SPIN1: variants seen among roughly 807,000 people sequenced by gnomAD.
SPIN1 encodes spindlin 1.
A neutral mutation model predicts 26.0 loss-of-function variants in SPIN1; 3 were observed. That is an observed-to-expected ratio of 0.12 (90% CI 0.05 to 0.30). The LOEUF (loss-of-function observed/expected upper bound fraction) is 0.30, where lower values mean the gene tolerates loss of function less well. Ranked by LOEUF, SPIN1 falls within the 10% of genes least tolerant of loss-of-function variation. The pLI is 1.00. For missense variants in SPIN1, 126 were observed against 333.4 expected, an observed-to-expected ratio of 0.38 and a Z score of 4.84; for synonymous variants, 101 against 116.5, an observed-to-expected ratio of 0.87 and a Z score of 0.86.
At chr9:88,457,430 T>C (rs1828492946) in intron 3 of SPIN1, among the ~76,000 whole-genome samples, 1 of 152,024 alleles carries the variant, frequency 6.6e-6, no homozygotes, top group African/African-American at 2.4e-5. Flanking sequence ...TTAGGGAGGC[T>C]GAGGCACGAG....
At chr9:88,403,357 G>A (rs189732176) in intron 1 of SPIN1, among the ~76,000 whole-genome samples, 25 of 152,180 alleles carry the variant, frequency 1.6e-4, no homozygotes, top group Non-Finnish European at 1.3e-4. Flanking sequence ...CCTTAGTTCC[G>A]ATACCTTTTG....
At position 88,426,466 on chromosome 9, in the gene SPIN1, AAAAGTTTC is replaced by A; in HGVS notation, c.-70_-63del. The A allele has an allele frequency of 7.9e-7, 1 of 1,269,920 alleles. No homozygotes were observed. The highest frequency in any genetic ancestry group is 1.1e-6 in the Non-Finnish European group (1 of 882,014). 78.7% of individuals were successfully genotyped at this position (1,269,920 alleles called of 1,614,324 possible). The stretch of plus-strand genomic sequence containing the variant: ...TTAACCAGAACACTAACATTCTGTG[AAAAGTTTC>A]AAATTGGAGAATATTGAATTTTCAC... On this transcript the variant is annotated 5_prime_UTR_variant, in exon 2 of 6. Coordinates refer to ENST00000375859, the MANE Select transcript of SPIN1 (RefSeq NM_006717.3).
intron 4 of SPIN1, among the ~76,000 whole-genome samples, chr9:88,464,812 G>A (rs1042828585): frequency 4.6e-5 from 7 of 152,106 alleles, no homozygotes; most frequent in African/African-American, 9.7e-5. Context: ...GTACAGTTCA[G>A]TAGTGTGTTA....
chr9:88,460,875 AAATT>A (rs996426433), intron 3 of SPIN1, among the ~76,000 whole-genome samples: 3 of 152,192 alleles, frequency 2.0e-5, no homozygotes, highest in African/African-American at 7.2e-5. Flanking sequence ...TTGACACACA[AAATT>A]AATCATCACA....
At chr9:88,415,160 TC>T (rs769916633) in intron 1 of SPIN1, among the ~76,000 whole-genome samples, 5 of 152,126 alleles carry the variant, frequency 3.3e-5, no homozygotes, top group Non-Finnish European at 5.9e-5. Context: ...CGCCTCAGCC[TC>T]CCAAAGTGCT....
chr9:88,449,015 G>A, intron 3 of SPIN1, 26 bp downstream of exon 3: 1 of 1,611,278 alleles, frequency 6.2e-7, no homozygotes. Context: ...ACTGGTTCTA[G>A]ATAGTGTTTT....
chr9:88,409,505 C>T (rs1276116996), intron 1 of SPIN1, among the ~76,000 whole-genome samples: 3 of 151,814 alleles, frequency 2.0e-5, no homozygotes, highest in South Asian at 2.1e-4. Flanking sequence ...CTGGGAACAC[C>T]GTGGTTCAGT....
intron 2 of SPIN1, among the ~76,000 whole-genome samples, chr9:88,441,146 A>AT (rs1244965615): frequency 3.3e-5 from 5 of 151,804 alleles, no homozygotes; most frequent in African/African-American, 9.7e-5. Context: ...TTTTTTCTAA[A>AT]TGATGCATTA....
rs1281610072 is a variant in SPIN1 at position 88,471,387 on chromosome 9, T to G, written c.589+2782T>G. On this transcript the variant is annotated intron_variant, in intron 5 of 5. Transcript: ENST00000375859. Reference sequence around the variant, plus strand: ...CCATTGAATGGTTTTGGCATCCTTGTTGCGCGGTGGCTCACACCTGTAATC... The same window carrying G: ...CCATTGAATGGTTTTGGCATCCTTGGTGCGCGGTGGCTCACACCTGTAATC... Among the ~76,000 whole-genome samples the G allele has an allele frequency of 3.3e-5, 5 of 151,902 alleles. No homozygotes were observed. In the East Asian group the frequency reaches 9.7e-4, roughly 29 times the overall value.
rs547934168 is a variant in SPIN1 at position 88,426,416 on chromosome 9, G to A, written c.-124G>A. ...GATTTCACGTATTTTTGCTGAACTC[G>A]TAAAAGAGACACTTGGATGGTGGAT... On this transcript the variant is annotated 5_prime_UTR_variant, in exon 2 of 6. Coordinates refer to ENST00000375859, the MANE Select transcript of SPIN1 (RefSeq NM_006717.3). 3.8e-5 allele frequency: 26 copies of A among 690,294 alleles called. No homozygotes were observed. Among genetic ancestry groups the A allele is most frequent in the Middle Eastern group, 2.5e-4 (1 of 3,956 alleles). The allele number at this position is 690,294 out of a possible 1,614,324, so 42.8% of individuals were successfully genotyped here.
intron 2 of SPIN1, among the ~76,000 whole-genome samples, chr9:88,441,591 C>G (rs1292071563): frequency 2.6e-5 from 4 of 151,480 alleles, no homozygotes; most frequent in Admixed American, 2.0e-4. Flanking sequence ...GACCCCATCT[C>G]TATGAAAAAT....
chr9:88,416,158 T>A (rs1014700748), intron 1 of SPIN1, among the ~76,000 whole-genome samples: 2 of 152,174 alleles, frequency 1.3e-5, no homozygotes. Flanking sequence ...CCATTGACCC[T>A]AAATTTTTGT....
intron 1 of SPIN1, among the ~76,000 whole-genome samples, chr9:88,404,501 G>T (rs1397660376): frequency 6.6e-6 from 1 of 152,010 alleles, no homozygotes; most frequent in Non-Finnish European, 1.5e-5. Context: ...ATAGTACTTA[G>T]CTTAAAACAC....
chr9:88,438,436 TA>T lies in SPIN1; in HGVS notation c.53-10502del, dbSNP rs544198431. On this transcript the variant is annotated intron_variant, in intron 2 of 5. Coordinates refer to ENST00000375859, the MANE Select transcript of SPIN1 (RefSeq NM_006717.3). ...ATACACTGTATGATTTGTATTCTTT[TA>T]AATTTGTGAAACTGTTTTACAGTTC... 3.7e-4 allele frequency among the ~76,000 whole-genome samples: 56 copies of T among 152,324 alleles called. 1 individual carries two copies. The highest frequency in any genetic ancestry group is 1.3e-3 in the African/African-American group (52 of 41,584).
chr9:88,389,017 G>T (rs1050385582), intron 1 of SPIN1, among the ~76,000 whole-genome samples: 10 of 150,856 alleles, frequency 6.6e-5, no homozygotes, highest in Non-Finnish European at 1.0e-4. Flanking sequence ...GGGGCGGGGG[G>T]AGGGGCGGGA....
intron 4 of SPIN1, among the ~76,000 whole-genome samples, chr9:88,468,130 A>T (rs1428787844): frequency 2.0e-5 from 3 of 152,092 alleles, no homozygotes; most frequent in African/African-American, 4.8e-5. Context: ...AAAAAATCAT[A>T]TTTTTTTCAA....
At chr9:88,433,270 A>G (rs181848755) in intron 2 of SPIN1, among the ~76,000 whole-genome samples, 48 of 152,000 alleles carry the variant, frequency 3.2e-4, no homozygotes, top group African/African-American at 1.1e-3. Flanking sequence ...TTTTGTAGAG[A>G]TGGGGTTTCG....
chr9:88,460,059 C>T (rs965850051), intron 3 of SPIN1, among the ~76,000 whole-genome samples: 8 of 152,128 alleles, frequency 5.3e-5, no homozygotes, highest in African/African-American at 1.4e-4. Flanking sequence ...TATGCCTTAG[C>T]GCCAGTCATT....
chr9:88,417,647 A>G (rs1827594528), intron 1 of SPIN1, among the ~76,000 whole-genome samples: 3 of 151,642 alleles, frequency 2.0e-5, no homozygotes. Context: ...TAATTTTTGT[A>G]TTTTTAGTAG....
Sources: gnomAD v4.1 joint callset for allele counts (sites outside exome capture counted in the v4.1 genomes callset) on GRCh38, gnomAD v4.1.1 for gene constraint, MANE v1.5 for transcripts, NCBI Gene and HGNC (gene_info 2026-07-23, HGNC 2026-07-21) for gene names.